The following PLBD1 variants were observed in gnomAD, a reference collection of about 807,000 sequenced individuals.
PLBD1 encodes lysosomal leucine aminopeptidase.
Under a neutral mutation model 63.0 loss-of-function variants are expected in PLBD1, and 60 were observed. That is an observed-to-expected ratio of 0.95 (90% CI 0.77 to 1.18). The LOEUF (loss-of-function observed/expected upper bound fraction) is 1.18. PLBD1 is among the 50% of genes most tolerant of loss of function. The pLI is 0.00. For synonymous variants in PLBD1, 262 were observed against 248.0 expected, an observed-to-expected ratio of 1.06 and a Z score of -0.53; for missense variants, 598 against 677.9, an observed-to-expected ratio of 0.88 and a Z score of 1.31.
chr12:14,509,823 T>C (rs565170706), intron 8 of PLBD1, among the ~76,000 whole-genome samples: 52 of 152,328 alleles, frequency 3.4e-4, no homozygotes, highest in Non-Finnish European at 5.9e-4. Context: ...TTCTAAAACA[T>C]AAAGTCTGAA....
intron 6 of PLBD1, among the ~76,000 whole-genome samples, chr12:14,516,058 C>T (rs1268450515): frequency 1.4e-5 from 2 of 148,040 alleles, no homozygotes; most frequent in Non-Finnish European, 1.5e-5. Flanking sequence ...AGGCCGGGCA[C>T]GGTGGCTCAC....
At chr12:14,531,497 G>A (rs1333091538) in intron 6 of PLBD1, among the ~76,000 whole-genome samples, 1 of 152,050 alleles carries the variant, frequency 6.6e-6, no homozygotes, top group Non-Finnish European at 1.5e-5. Context: ...CTTACCCAGA[G>A]TGTTAAAAAA....
chr12:14,566,152 C>A (rs1425225189), intron 1 of PLBD1, among the ~76,000 whole-genome samples: 1 of 152,154 alleles, frequency 6.6e-6, no homozygotes, highest in African/African-American at 2.4e-5. Context: ...CTTTTGGGAC[C>A]CTCCCCAGCC....
In PLBD1 at chr12:14,530,371, T is replaced by G. The variant is rs79555464; in HGVS notation, c.844+5288A>C. 5.3e-5 allele frequency: 8 copies of G among 152,308 alleles called. No homozygotes were observed. The East Asian group carries it at 1.5e-3, about 29-fold the overall frequency. 9.4% of individuals were successfully genotyped at this position (152,308 alleles called of 1,614,324 possible). ...CAAATTATCCCCACTGTGCCCTATCTAAATTCCTGATCCACAGAAACCATG... is the reference window on the plus strand; with the variant it reads ...CAAATTATCCCCACTGTGCCCTATCGAAATTCCTGATCCACAGAAACCATG... On this transcript the variant is annotated intron_variant, in intron 6 of 10. Transcript: ENST00000240617.
chr12:14,539,996 C>T (rs1945553404), intron 4 of PLBD1, among the ~76,000 whole-genome samples: 1 of 106,216 alleles, frequency 9.4e-6, no homozygotes, highest in Non-Finnish European at 1.9e-5. Flanking sequence ...ACAAAAAGTT[C>T]AAAGAAAAGC....
chr12:14,540,641 C>T lies in PLBD1; in HGVS notation c.558+123G>A, dbSNP rs558082249. 8.3e-4 allele frequency: 912 copies of T among 1,093,082 alleles called. 3 individuals are homozygous for T. The Middle Eastern group carries it at 0.016, about 19-fold the overall frequency. The allele number at this position is 1,093,082 out of a possible 1,614,324, so 67.7% of individuals were successfully genotyped here. On this transcript the variant is annotated intron_variant, in intron 4 of 10. Coordinates refer to ENST00000240617, the MANE Select transcript of PLBD1 (RefSeq NM_024829.6). ...TATGAGAGCTATGACAGTTCTTTTC[C>T]GTAAGGAATTTATACTGTAGTTCTA...
At chr12:14,508,678 G>A (rs1048020814) in intron 8 of PLBD1, among the ~76,000 whole-genome samples, 1 of 152,276 alleles carries the variant, frequency 6.6e-6, no homozygotes. Context: ...GCTGAGGCCC[G>A]AGAACCGCTT....
At chr12:14,557,656 G>T (rs1945716187) in intron 1 of PLBD1, among the ~76,000 whole-genome samples, 1 of 152,010 alleles carries the variant, frequency 6.6e-6, no homozygotes, top group African/African-American at 2.4e-5. Context: ...ACACATAGAA[G>T]GGAACAACAG....
intron 1 of PLBD1, among the ~76,000 whole-genome samples, chr12:14,556,377 CT>C (rs376386906): frequency 8.1e-5 from 12 of 147,890 alleles, no homozygotes; most frequent in South Asian, 2.2e-4. Context: ...AACATTTTAC[CT>C]TTTTTTTTTG....
intron 2 of PLBD1, 28 bp from the exon 3 acceptor site, chr12:14,542,319 T>C (rs1372151429): frequency 2.0e-6 from 3 of 1,511,470 alleles, no homozygotes; most frequent in Non-Finnish European, 2.8e-6. Context: ...AATTATTACA[T>C]TTATATTTTT....
In PLBD1 at chr12:14,511,339, A is replaced by C; in HGVS notation, c.1107T>G (p.Leu369=). 1 of 1,613,386 alleles carries C rather than the reference A, an allele frequency of 6.2e-7. No individual in the cohort carries two copies. Among genetic ancestry groups the C allele is most frequent in the African/African-American group, 1.3e-5 (1 of 75,034 alleles). Residue 369 remains leucine (L), a synonymous_variant, in exon 8 of 11, where the codon CTT becomes CTG. Coordinates refer to ENST00000240617, the MANE Select transcript of PLBD1 (RefSeq NM_024829.6). ...DLKKVKLNHS[L]DKGTLYIVEQ... is the part of the protein sequence containing the mutation. ...CCACAATGTACAGAGTGCCTTTGTC[A>C]AGACTGTGGTTCAGCTTTACTTTCT...
intron 1 of PLBD1, among the ~76,000 whole-genome samples, chr12:14,554,499 G>A (rs1945685494): frequency 6.6e-6 from 1 of 152,110 alleles, no homozygotes; most frequent in African/African-American, 2.4e-5. Context: ...AGTTTAAAGT[G>A]TCCACACTGA....
At chr12:14,536,169 CA>C (rs1945512588) in intron 5 of PLBD1, 1 of 249,472 alleles carries the variant, frequency 4.0e-6, no homozygotes, top group African/African-American at 2.3e-5. Context: ...CATGGTGGCA[CA>C]CCCATGTAGT....
chr12:14,511,257 T>C lies in PLBD1; in HGVS notation c.1186+3A>G. 1 of 1,583,886 alleles carries C rather than the reference T, an allele frequency of 6.3e-7. No individual in the cohort carries two copies. The highest frequency in any genetic ancestry group is 2.2e-5 in the East Asian group (1 of 44,754). ...TTTAAGACTTACGACATGAAGAAAGTACCTTTCCGTAGAACATCAGTTTGT... is the reference window on the plus strand; with the variant it reads ...TTTAAGACTTACGACATGAAGAAAGCACCTTTCCGTAGAACATCAGTTTGT... On this transcript the variant is annotated splice_donor_region_variant and intron_variant, in intron 8 of 10. Transcript: ENST00000240617.
intron 1 of PLBD1, among the ~76,000 whole-genome samples, chr12:14,554,630 T>A (rs971010020): frequency 6.6e-6 from 1 of 152,162 alleles, no homozygotes; most frequent in African/African-American, 2.4e-5. Context: ...TGTCCCTTGC[T>A]CCAGCCGGCT....
At chr12:14,566,492 C>T (rs1945783186) in intron 1 of PLBD1, among the ~76,000 whole-genome samples, 1 of 152,160 alleles carries the variant, frequency 6.6e-6, no homozygotes, top group Non-Finnish European at 1.5e-5. Context: ...CTTATTATTA[C>T]TTTAGAATTC....
intron 10 of PLBD1, among the ~76,000 whole-genome samples, chr12:14,505,712 C>T (rs1389501107): frequency 4.6e-5 from 7 of 152,228 alleles, no homozygotes; most frequent in Non-Finnish European, 1.0e-4. Flanking sequence ...CTTGCTCCTT[C>T]AGCTAAATTT....
At chr12:14,517,868 A>C (rs1025516877) in intron 6 of PLBD1, among the ~76,000 whole-genome samples, 1 of 152,228 alleles carries the variant, frequency 6.6e-6, no homozygotes, top group Non-Finnish European at 1.5e-5. Flanking sequence ...GTTTTTATGA[A>C]CATTAAATGA....
chr12:14,530,541 T>G (rs997845250), intron 6 of PLBD1, among the ~76,000 whole-genome samples: 2 of 152,218 alleles, frequency 1.3e-5, no homozygotes, highest in African/African-American at 4.8e-5. Flanking sequence ...CAAACATTAC[T>G]TAGGATTTAA....
Sources: allele counts gnomAD v4.1 joint callset (sites outside exome capture counted in the v4.1 genomes callset), GRCh38; gene constraint gnomAD v4.1.1; transcripts MANE v1.5; gene names NCBI Gene and HGNC (gene_info 2026-07-23, HGNC 2026-07-21).